Variants in PCSK6 observed in about 807,000 individuals in gnomAD.
The protein encoded by PCSK6 is proprotein convertase subtilisin/kexin type 6.
In PCSK6, 85 loss-of-function variants were observed where a neutral mutation model predicts 123.3. That is an observed-to-expected ratio of 0.69 (90% confidence interval 0.58 to 0.83). PCSK6 has a LOEUF of 0.83. PCSK6 is among the 40% of genes least tolerant of loss of function. The pLI, the probability that PCSK6 is intolerant of heterozygous loss-of-function variation, is 0.00. For missense variants in PCSK6, 1,191 were observed against 1,282.3 expected, an observed-to-expected ratio of 0.93 and a Z score of 1.09; for synonymous variants, 508 against 516.0, an observed-to-expected ratio of 0.98 and a Z score of 0.21.
intron 1 of PCSK6, among the ~76,000 whole-genome samples, chr15:101,448,813 G>A (rs1567228931): frequency 2.0e-5 from 3 of 152,180 alleles, no homozygotes; most frequent in South Asian, 2.1e-4. Flanking sequence ...TGTCCTTTGC[G>A]GCAGGTTCTT....
At chr15:101,318,214 A>T in intron 19 of PCSK6, 105 bp downstream of exon 19, 1 of 782,110 alleles carries the variant, frequency 1.3e-6, no homozygotes, top group Non-Finnish European at 2.1e-6. Context: ...TTAATGCTGC[A>T]ATAAATGCAG....
intron 13 of PCSK6, chr15:101,347,058 C>G (rs1402352338): frequency 8.1e-7 from 1 of 1,231,560 alleles, no homozygotes; most frequent in Non-Finnish European, 1.0e-6. Context: ...TGTATGGTGA[C>G]TGTTTGGAGA....
intron 2 of PCSK6, among the ~76,000 whole-genome samples, chr15:101,441,151 T>C (rs926206248): frequency 5.3e-5 from 8 of 152,092 alleles, no homozygotes; most frequent in Admixed American, 5.2e-4. Context: ...GATTTTTATT[T>C]GAAAAAATTT....
intron 1 of PCSK6, among the ~76,000 whole-genome samples, chr15:101,454,495 C>T (rs1456588885): frequency 1.3e-5 from 2 of 152,146 alleles, no homozygotes; most frequent in Non-Finnish European, 1.5e-5. Flanking sequence ...GCCTGGAGGA[C>T]GCTGTGCTCA....
In PCSK6 at chr15:101,398,764, A is replaced by T. The variant is rs2042497773; in HGVS notation, c.824-188T>A. On this transcript the variant is annotated intron_variant, in intron 6 of 21. Transcript: ENST00000611716. The surrounding 1 kb of genome is among the most constrained non-coding windows in gnomAD (Gnocchi z 4.6). ...TGGCTGATGTGAAAGAACTCAGGCC[A>T]GGGCAACAAAAGAAAGCAAGCTACG... Among the ~76,000 whole-genome samples the T allele has an allele frequency of 6.6e-6, 1 of 152,220 alleles. No homozygotes were observed. The highest frequency in any genetic ancestry group is 2.4e-5 in the African/African-American group (1 of 41,448).
intron 6 of PCSK6, among the ~76,000 whole-genome samples, chr15:101,411,388 T>C (rs2055678207): frequency 6.6e-6 from 1 of 152,082 alleles, no homozygotes; most frequent in African/African-American, 2.4e-5. Flanking sequence ...GACGATGCCC[T>C]GGGAGCGGGG....
intron 1 of PCSK6, among the ~76,000 whole-genome samples, chr15:101,474,670 T>C (rs2057686029): frequency 1.3e-5 from 2 of 152,186 alleles, no homozygotes; most frequent in Admixed American, 6.5e-5. Context: ...CTCTCCACCA[T>C]TCTCTGCCCT....
chr15:101,422,668 T>C (rs988084167), intron 6 of PCSK6, among the ~76,000 whole-genome samples: 3 of 151,940 alleles, frequency 2.0e-5, no homozygotes, highest in African/African-American at 7.3e-5. Flanking sequence ...TCGCCCAGGC[T>C]GGAGTGCAGT....
intron 9 of PCSK6, among the ~76,000 whole-genome samples, chr15:101,385,175 C>A (rs2042023890): frequency 1.9e-5 from 1 of 53,478 alleles, no homozygotes; most frequent in African/African-American, 1.3e-4. Context: ...CACCACCACA[C>A]CCGGCTAATT....
At chr15:101,306,704 C>A (rs1177318812) in intron 21 of PCSK6, among the ~76,000 whole-genome samples, 1 of 152,208 alleles carries the variant, frequency 6.6e-6, no homozygotes, top group Non-Finnish European at 1.5e-5. Context: ...TGTCCCCCAT[C>A]CTATGGCAGA....
chr15:101,442,455 C>A (rs1259524802), intron 2 of PCSK6, among the ~76,000 whole-genome samples: 3 of 152,122 alleles, frequency 2.0e-5, no homozygotes, highest in Non-Finnish European at 4.4e-5. Flanking sequence ...CAAATCAAAA[C>A]CCTCACCATG....
chr15:101,467,301 C>A (rs897812780), intron 1 of PCSK6, among the ~76,000 whole-genome samples: 1 of 149,160 alleles, frequency 6.7e-6, no homozygotes, highest in Non-Finnish European at 1.5e-5. Flanking sequence ...AAGACAGAGT[C>A]TCGCTCTGTC....
intron 13 of PCSK6, among the ~76,000 whole-genome samples, chr15:101,340,742 C>T (rs1394682903): frequency 6.6e-6 from 1 of 152,118 alleles, no homozygotes; most frequent in African/African-American, 2.4e-5. Flanking sequence ...CACTATCTTC[C>T]ACATACTCAC....
chr15:101,460,987 GA>G (rs969017756), intron 1 of PCSK6, among the ~76,000 whole-genome samples: 5 of 149,978 alleles, frequency 3.3e-5, no homozygotes, highest in Admixed American at 1.3e-4. Flanking sequence ...AAAGTTAAAA[GA>G]AAAAAAAATG....
Position 101,412,691 on chromosome 15 carries a change from T to TTATATA in PCSK6, c.824-14121_824-14116dup, listed in dbSNP as rs149902723. On this transcript the variant is annotated intron_variant, in intron 6 of 21. Transcript: ENST00000611716. Reference sequence around the variant, plus strand: ...ACAGAAGAAAGAGTGAACTGGAAAATTATATATATATATATATATATAAAA... The same window carrying TTATATA: ...ACAGAAGAAAGAGTGAACTGGAAAATTATATATATATATATATATATATATATAAAA... Among the ~76,000 whole-genome samples, 127 of 124,742 alleles carry TTATATA rather than the reference T, an allele frequency of 1.0e-3. 4 individuals are homozygous for TTATATA. Among genetic ancestry groups the TTATATA allele is most frequent in the African/African-American group, 3.2e-3 (92 of 28,950 alleles). The allele number at this position is 124,742 out of a possible 152,430, so 81.8% of individuals were successfully genotyped here. A position where few individuals can be genotyped will look rare whatever the true frequency, so the allele number is the denominator to read the frequency against.
chr15:101,409,263 C>T (rs1170307432), intron 6 of PCSK6, among the ~76,000 whole-genome samples: 1 of 151,842 alleles, frequency 6.6e-6, no homozygotes, highest in African/African-American at 2.4e-5. Context: ...CGAGACCATC[C>T]TGGCCAACAT....
intron 11 of PCSK6, among the ~76,000 whole-genome samples, chr15:101,375,638 G>A (rs138201362): frequency 5.9e-5 from 9 of 151,392 alleles, no homozygotes; most frequent in Admixed American, 3.3e-4. Context: ...ATGTGTAGAT[G>A]TGTGCAGAGT....
At chr15:101,442,985 T>C (rs984573872) in intron 2 of PCSK6, among the ~76,000 whole-genome samples, 19 of 152,236 alleles carry the variant, frequency 1.2e-4, no homozygotes, top group African/African-American at 9.6e-5. Context: ...CCATCTTAAA[T>C]TTTTAATCTT....
chr15:101,333,706 A>C (rs1295358797), intron 13 of PCSK6, among the ~76,000 whole-genome samples: 3 of 138,544 alleles, frequency 2.2e-5, no homozygotes, highest in African/African-American at 5.4e-5. Flanking sequence ...AATTCTGGAA[A>C]TCTCTTAGCG....
Sources: allele counts gnomAD v4.1 joint callset (sites outside exome capture counted in the v4.1 genomes callset), GRCh38; gene constraint gnomAD v4.1.1; non-coding constraint Gnocchi (gnomAD v3.1); transcripts MANE v1.5; gene names NCBI Gene and HGNC (gene_info 2026-07-23, HGNC 2026-07-21).